Variants in CNTN4 observed in about 807,000 individuals in gnomAD.
CNTN4 encodes the protein contactin 4, also known as contactin-4.
Under a neutral mutation model 122.5 loss-of-function variants are expected in CNTN4, and 77 were observed. The observed-to-expected ratio is 0.63, with a 90% CI of 0.52 to 0.76. The LOEUF is 0.76. Among genes scored for constraint, CNTN4 ranks in the 30% least tolerant of loss-of-function variants. CNTN4 has a pLI of 0.00. For missense variants in CNTN4, 1,256 were observed against 1,259.1 expected (o/e 1.00, Z 0.04); for synonymous variants, 512 against 447.0 (o/e 1.15, Z -1.83).
chr3:2,237,735 C>T (rs964894379), intron 2 of CNTN4, among the ~76,000 whole-genome samples: 4 of 152,042 alleles, frequency 2.6e-5, no homozygotes, highest in Admixed American at 6.6e-5. Context: ...GAGTTGTTTT[C>T]ATTTAGTTTG....
intron 4 of CNTN4, among the ~76,000 whole-genome samples, chr3:2,672,601 G>C (rs1017158078): frequency 1.3e-5 from 2 of 152,122 alleles, no homozygotes; most frequent in African/African-American, 4.8e-5. Flanking sequence ...GCTCACACTT[G>C]GTGCGCTGCA....
chr3:2,278,700 C>T (rs2041610350), intron 2 of CNTN4, among the ~76,000 whole-genome samples: 1 of 152,004 alleles, frequency 6.6e-6, no homozygotes, highest in Non-Finnish European at 1.5e-5. Context: ...ATTGCAAGAC[C>T]CCTGTGCCTA....
intron 6 of CNTN4, among the ~76,000 whole-genome samples, chr3:2,805,842 C>T (rs58031791): frequency 0.12 from 18,565 of 152,068 alleles, 1,178 homozygotes; most frequent in South Asian, 0.15. Context: ...GGGTGATCAC[C>T]GCCAGCAAAA....
At chr3:2,400,006 A>G (rs530252631) in intron 3 of CNTN4, among the ~76,000 whole-genome samples, 1 of 152,064 alleles carries the variant, frequency 6.6e-6, no homozygotes, top group Non-Finnish European at 1.5e-5. Flanking sequence ...GCATCATGTA[A>G]TATAATTGAA....
chr3:2,499,250 T>C (rs2076532835), intron 3 of CNTN4, among the ~76,000 whole-genome samples: 1 of 152,232 alleles, frequency 6.6e-6, no homozygotes, highest in South Asian at 2.1e-4. Context: ...TATTCATTTG[T>C]CTCTGGATAT....
chr3:2,981,444 A>G lies in CNTN4; in HGVS notation c.1359-6901A>G, dbSNP rs530923494. Reference sequence around the variant, plus strand: ...GGGCGACAGAGCGAGACTCCGTCTCAAAAAACAAAAAAAGGAAAACCTTAC... The same window carrying G: ...GGGCGACAGAGCGAGACTCCGTCTCGAAAAACAAAAAAAGGAAAACCTTAC... On this transcript the variant is annotated intron_variant, in intron 13 of 24. Transcript: ENST00000418658. 3.3e-5 allele frequency among the ~76,000 whole-genome samples: 5 copies of G among 152,182 alleles called. 1 individual carries two copies. Among genetic ancestry groups the G allele is most frequent in the African/African-American group, 1.2e-4 (5 of 41,548 alleles).
At chr3:2,388,384 A>G (rs574670359) in intron 3 of CNTN4, among the ~76,000 whole-genome samples, 4 of 152,324 alleles carry the variant, frequency 2.6e-5, no homozygotes, top group Non-Finnish European at 5.9e-5. Flanking sequence ...GAGATTTGGG[A>G]TACCATGTTG....
intron 2 of CNTN4, among the ~76,000 whole-genome samples, chr3:2,104,701 G>A (rs1037457796): frequency 1.3e-5 from 2 of 152,132 alleles, no homozygotes; most frequent in Non-Finnish European, 1.5e-5. Context: ...TTGCTGCAAG[G>A]GAAGCTGAGA....
intron 8 of CNTN4, 135 bp downstream of exon 8, chr3:2,867,084 G>GT: frequency 1.3e-6 from 1 of 793,242 alleles, no homozygotes; most frequent in Non-Finnish European, 2.1e-6. Context: ...CCTATATTTG[G>GT]TACCCATATT....
intron 12 of CNTN4, among the ~76,000 whole-genome samples, chr3:2,906,682 A>T (rs1450209027): frequency 6.6e-6 from 1 of 151,562 alleles, no homozygotes; most frequent in Non-Finnish European, 1.5e-5. Flanking sequence ...TACTAAAAAT[A>T]TATATATATA....
At chr3:2,958,984 G>A (rs925022616) in intron 13 of CNTN4, among the ~76,000 whole-genome samples, 5 of 152,068 alleles carry the variant, frequency 3.3e-5, no homozygotes, top group African/African-American at 1.2e-4. Flanking sequence ...GGAACAGAAG[G>A]GTCAGTAGTC....
intron 4 of CNTN4, among the ~76,000 whole-genome samples, chr3:2,705,751 AT>A (rs1429793824): frequency 1.2e-4 from 12 of 102,392 alleles, no homozygotes; most frequent in Non-Finnish European, 2.1e-4. Context: ...TATATGATAT[AT>A]AATATATAAT....
At chr3:2,980,529 G>A (rs1408680162) in intron 13 of CNTN4, among the ~76,000 whole-genome samples, 1 of 152,158 alleles carries the variant, frequency 6.6e-6, no homozygotes, top group Non-Finnish European at 1.5e-5. Flanking sequence ...AGATGAGATG[G>A]ACCATAAAGG....
At position 2,405,057 on chromosome 3, in the gene CNTN4, C is replaced by T. The variant is rs115401885; in HGVS notation, c.-89+65824C>T. Among the ~76,000 whole-genome samples, 584 of 152,222 alleles carry T rather than the reference C, an allele frequency of 3.8e-3. 4 individuals are homozygous for T. Among genetic ancestry groups the T allele is most frequent in the African/African-American group, 0.014 (572 of 41,518 alleles). Reference sequence around the variant, plus strand: ...TAGTTTTTAACATAATAAAAGATAACAAGCCCTTATTTTATTCTTTCTGTT... The same window carrying T: ...TAGTTTTTAACATAATAAAAGATAATAAGCCCTTATTTTATTCTTTCTGTT... On this transcript the variant is annotated intron_variant, in intron 3 of 24. Transcript: ENST00000418658.
At chr3:2,818,395 A>T (rs747114489) in intron 6 of CNTN4, among the ~76,000 whole-genome samples, 8 of 152,204 alleles carry the variant, frequency 5.3e-5, no homozygotes, top group Admixed American at 1.3e-4. Context: ...TGAGATAATC[A>T]TCATAAAATA....
intron 6 of CNTN4, among the ~76,000 whole-genome samples, chr3:2,813,952 G>C (rs964664291): frequency 2.0e-5 from 3 of 152,188 alleles, no homozygotes; most frequent in Non-Finnish European, 4.4e-5. Context: ...CTCCAGGAAT[G>C]TAACTGCTAA....
intron 3 of CNTN4, among the ~76,000 whole-genome samples, chr3:2,356,836 G>A (rs1349685919): frequency 6.6e-6 from 1 of 152,178 alleles, no homozygotes; most frequent in East Asian, 1.9e-4. Context: ...GAGGGATAAG[G>A]GAATAGATGC....
At position 2,385,805 on chromosome 3, in the gene CNTN4, C is replaced by T. The variant is rs539784908; in HGVS notation, c.-89+46572C>T. On this transcript the variant is annotated intron_variant, in intron 3 of 24. Transcript: ENST00000418658. This position sits in a 1 kb window ranked among gnomAD's most constrained non-coding sequence, Gnocchi z 4.0. ...CTTAACTTGGTTACATTTGCAAAGA[C>T]CCTGCTTCCAAATAAGGTCACATTC... 6.6e-6 allele frequency among the ~76,000 whole-genome samples: 1 copy of T among 152,142 alleles called. No individual in the cohort carries two copies. Among genetic ancestry groups the T allele is most frequent in the East Asian group, 1.9e-4 (1 of 5,160 alleles).
chr3:2,910,036 G>A (rs1467680041), intron 12 of CNTN4, among the ~76,000 whole-genome samples: 2 of 152,204 alleles, frequency 1.3e-5, no homozygotes, highest in African/African-American at 4.8e-5. Flanking sequence ...ATGAGAGAAA[G>A]AGCAGGCATC....
Sources: allele counts gnomAD v4.1 joint callset (sites outside exome capture counted in the v4.1 genomes callset), GRCh38; gene constraint gnomAD v4.1.1; non-coding constraint Gnocchi (gnomAD v3.1); transcripts MANE v1.5; gene names NCBI Gene and HGNC (gene_info 2026-07-23, HGNC 2026-07-21).